PRELID2: variants seen among roughly 807,000 people sequenced by gnomAD.
PRELID2 encodes PRELI domain containing 2, also known as PRELI domain-containing protein 2.
Under a neutral mutation model 28.4 loss-of-function variants are expected in PRELID2, and 25 were observed. That is an observed-to-expected ratio of 0.88 (90% confidence interval 0.64 to 1.23). The LOEUF is 1.23. Ranked by LOEUF, PRELID2 falls within the 50% of genes most tolerant of loss-of-function variation. The probability of loss-of-function intolerance (pLI) is 0.00; values close to 1 mark genes in which losing one functional copy is unlikely to be tolerated. For missense variants in PRELID2, 201 were observed against 214.4 expected (o/e 0.94, Z 0.39); for synonymous variants, 76 against 71.6 (o/e 1.06, Z -0.31).
chr5:145,580,886 C>T (rs1753102196), intron 1 of PRELID2, among the ~76,000 whole-genome samples: 1 of 152,054 alleles, frequency 6.6e-6, no homozygotes, highest in Non-Finnish European at 1.5e-5. Context: ...TTGAAATTTG[C>T]TTAGCAAGAT....
At chr5:145,688,907 A>G (rs1431208315) in intron 1 of PRELID2, among the ~76,000 whole-genome samples, 2 of 152,224 alleles carry the variant, frequency 1.3e-5, no homozygotes, top group Non-Finnish European at 2.9e-5. Context: ...AGACTGTTTC[A>G]ATCAGTCTAG....
the PRELID2 span, chr5:145,229,835 G>C: frequency 1.3e-6 from 1 of 760,162 alleles, no homozygotes; most frequent in Non-Finnish European, 2.4e-6. Context: ...GCATCGCCAA[G>C]TCCCAGGAGC....
the PRELID2 span, among the ~76,000 whole-genome samples, chr5:145,314,091 A>G: frequency 6.6e-6 from 1 of 152,206 alleles, no homozygotes; most frequent in Non-Finnish European, 1.5e-5. Flanking sequence ...CTTTATAGTC[A>G]GGGAAACATT....
intron 4 of PRELID2, among the ~76,000 whole-genome samples, chr5:145,801,077 G>T (rs978888062): frequency 1.3e-5 from 2 of 152,090 alleles, no homozygotes; most frequent in African/African-American, 4.8e-5. Context: ...AATTATATAT[G>T]TTATTTACTT....
rs1334656798 is a variant in PRELID2 at position 145,713,369 on chromosome 5, T to TATATATATATATATATATATATAC, written n.70+51561_70+51562insGTATATATATATATATATATATAT. On this transcript the variant is annotated intron_variant and non_coding_transcript_variant, in intron 1 of 2. Coordinates refer to the PRELID2 transcript ENST00000510259. ...CTGACTTTATATATATATATATATA[T>TATATATATATATATATATATATAC]ACTTTACATTATATATATATAATGA... Among the ~76,000 whole-genome samples the TATATATATATATATATATATATAC allele has an allele frequency of 4.4e-4, 63 of 144,628 alleles. 1 individual carries two copies. Among genetic ancestry groups the TATATATATATATATATATATATAC allele is most frequent in the African/African-American group, 1.6e-3 (61 of 39,158 alleles). 94.9% of individuals were successfully genotyped at this position (144,628 alleles called of 152,430 possible).
intron 1 of PRELID2, among the ~76,000 whole-genome samples, chr5:145,498,341 T>C (rs1580959142): frequency 6.6e-6 from 1 of 152,180 alleles, no homozygotes; most frequent in East Asian, 1.9e-4. Flanking sequence ...ATATGTTAAC[T>C]GAATTATTAT....
chr5:145,229,855 G>A, the PRELID2 span: 4 of 755,978 alleles, frequency 5.3e-6, no homozygotes, highest in Admixed American at 6.9e-5. Context: ...CCGGCAGAAG[G>A]GAAAGTGCAG....
intron 4 of PRELID2, among the ~76,000 whole-genome samples, chr5:145,816,565 CTT>C (rs1483011301): frequency 1.3e-5 from 2 of 152,142 alleles, no homozygotes; most frequent in African/African-American, 2.4e-5. Context: ...AGTTTTAACT[CTT>C]TCATTTAGGT....
chr5:145,747,759 A>G (rs1246282940), intron 1 of PRELID2, among the ~76,000 whole-genome samples: 1 of 152,342 alleles, frequency 6.6e-6, no homozygotes, highest in African/African-American at 2.4e-5. Context: ...ATAATCCTCA[A>G]TAAAATACTG....
At chr5:145,798,495 C>T (rs1752912750) in intron 4 of PRELID2, among the ~76,000 whole-genome samples, 1 of 152,158 alleles carries the variant, frequency 6.6e-6, no homozygotes, top group Non-Finnish European at 1.5e-5. Flanking sequence ...ACTAGAATTA[C>T]CATTTGACCC....
chr5:145,678,812 G>C (rs1053662913), intron 1 of PRELID2, among the ~76,000 whole-genome samples: 1 of 152,154 alleles, frequency 6.6e-6, no homozygotes, highest in Non-Finnish European at 1.5e-5. Flanking sequence ...GATGATTATA[G>C]GAGTTAGAAA....
At chr5:145,766,494 A>G (rs1757770892) in intron 5 of PRELID2, among the ~76,000 whole-genome samples, 1 of 152,208 alleles carries the variant, frequency 6.6e-6, no homozygotes, top group South Asian at 2.1e-4. Flanking sequence ...AATAAAATAT[A>G]TTTAACACCA....
At chr5:145,508,078 A>G (rs1360303954) in intron 1 of PRELID2, among the ~76,000 whole-genome samples, 1 of 152,188 alleles carries the variant, frequency 6.6e-6, no homozygotes, top group Non-Finnish European at 1.5e-5. Flanking sequence ...TAGTAGTTTA[A>G]TAATGCTTTT....
chr5:145,420,680 A>T, the PRELID2 span, among the ~76,000 whole-genome samples: 3,550 of 48,830 alleles, frequency 0.073, no homozygotes, highest in Non-Finnish European at 0.09. Flanking sequence ...ATCTGCAAAC[A>T]GGGACAATTT....
At chr5:145,333,882 G>A in the PRELID2 span, among the ~76,000 whole-genome samples, 6 of 150,442 alleles carry the variant, frequency 4.0e-5, no homozygotes, top group Admixed American at 2.0e-4. Context: ...GCCCAGTTTT[G>A]TGCTTAAAAC....
intron 1 of PRELID2, among the ~76,000 whole-genome samples, chr5:145,665,167 A>C (rs1754563669): frequency 6.6e-6 from 1 of 152,142 alleles, no homozygotes; most frequent in South Asian, 2.1e-4. Flanking sequence ...GAAGAGTTTT[A>C]ACTCTACAAT....
chr5:145,394,709 ACT>A, the PRELID2 span, among the ~76,000 whole-genome samples: 1 of 152,116 alleles, frequency 6.6e-6, no homozygotes, highest in Non-Finnish European at 1.5e-5. Context: ...CCTGTAAATA[ACT>A]CTGTGGATTA....
At chr5:145,625,996 G>T (rs1441979094) in intron 1 of PRELID2, among the ~76,000 whole-genome samples, 2 of 152,072 alleles carry the variant, frequency 1.3e-5, no homozygotes, top group Non-Finnish European at 2.9e-5. Flanking sequence ...ATTGAAACTG[G>T]ACCTCTATCT....
intron 1 of PRELID2, among the ~76,000 whole-genome samples, chr5:145,572,671 T>C (rs1378838441): frequency 1.3e-5 from 2 of 152,174 alleles, no homozygotes; most frequent in African/African-American, 2.4e-5. Context: ...CACAGCTAAA[T>C]AAATTATGTC....
Sources: allele counts gnomAD v4.1 joint callset (sites outside exome capture counted in the v4.1 genomes callset), GRCh38; gene constraint gnomAD v4.1.1; transcripts MANE v1.5; gene names NCBI Gene and HGNC (gene_info 2026-07-23, HGNC 2026-07-21).